The following PIEZO2 variants were observed in gnomAD, a reference collection of about 807,000 sequenced individuals.
PIEZO2 encodes the protein piezo type mechanosensitive ion channel component 2, also known as piezo-type mechanosensitive ion channel component 2.
In PIEZO2, 172 loss-of-function variants were observed where a neutral mutation model predicts 337.3. That is an observed-to-expected ratio of 0.51 (90% CI 0.45 to 0.58). The LOEUF is 0.58. PIEZO2 is among the 20% of genes least tolerant of loss of function. The pLI, the probability that PIEZO2 is intolerant of heterozygous loss-of-function variation, is 0.00. For synonymous variants in PIEZO2, 1,251 were observed against 1,228.5 expected (o/e 1.02, Z -0.38); for missense variants, 3,028 against 3,391.3 (o/e 0.89, Z 2.66).
Position 11,001,833 on chromosome 18 carries a change from G to A in PIEZO2, c.161-22173C>T, listed in dbSNP as rs1186332026. Among the ~76,000 whole-genome samples, 1 of 151,664 alleles carries A rather than the reference G, an allele frequency of 6.6e-6. No homozygotes were observed. Among genetic ancestry groups the A allele is most frequent in the African/African-American group, 2.4e-5 (1 of 41,224 alleles). On this transcript the variant is annotated intron_variant, in intron 2 of 55. Coordinates refer to ENST00000674853, the MANE Select transcript of PIEZO2 (RefSeq NM_001378183.1). The surrounding 1 kb of genome is among the most constrained non-coding windows in gnomAD (Gnocchi z 5.3). ...GCAGAGGTTGCAGTGAGCTCAGATT[G>A]CACCACTGTACTCCAGCCTGGGTGA...
At position 10,888,669 on chromosome 18, in the gene PIEZO2, T is replaced by C. The variant is rs1329360335; in HGVS notation, c.330-17254A>G. Reference sequence around the variant, plus strand: ...GTACTTTCAACTTGAGTTTAACTGCTCAGGATTCTTTCTAGCCTCTGCTTT... The same window carrying C: ...GTACTTTCAACTTGAGTTTAACTGCCCAGGATTCTTTCTAGCCTCTGCTTT... On this transcript the variant is annotated intron_variant, in intron 4 of 55. Transcript: ENST00000674853. The surrounding 1 kb of genome is among the most constrained non-coding windows in gnomAD (Gnocchi z 4.1). 6.6e-6 allele frequency among the ~76,000 whole-genome samples: 1 copy of C among 152,186 alleles called. No individual in the cohort carries two copies. The highest frequency in any genetic ancestry group is 1.5e-5 in the Non-Finnish European group (1 of 68,020).
rs972431741 is a variant in PIEZO2 at position 10,862,718 on chromosome 18, G to T, written c.493-5507C>A. Among the ~76,000 whole-genome samples the T allele has an allele frequency of 7.2e-5, 11 of 152,230 alleles. No individual in the cohort carries two copies. The highest frequency in any genetic ancestry group is 1.2e-4 in the Non-Finnish European group (8 of 68,050). ...TTACTAAATCAGAAATTATGGGAAT[G>T]AATTCCAGGAAGCTGTATGATTAAA... On this transcript the variant is annotated intron_variant, in intron 5 of 55. Coordinates refer to ENST00000674853, the MANE Select transcript of PIEZO2 (RefSeq NM_001378183.1). The surrounding 1 kb of genome is among the most constrained non-coding windows in gnomAD (Gnocchi z 4.4).
rs2039271394 is a variant in PIEZO2 at position 11,096,676 on chromosome 18, CTT to C, written c.65-30456_65-30455del. On this transcript the variant is annotated intron_variant, in intron 1 of 55. Coordinates refer to ENST00000674853, the MANE Select transcript of PIEZO2 (RefSeq NM_001378183.1). The surrounding 1 kb of genome is among the most constrained non-coding windows in gnomAD (Gnocchi z 4.6). ...ACCCAACACACACACGTATCTACCT[CTT>C]GTCTTTCAAGGAGATATATCTAAAA... Among the ~76,000 whole-genome samples the C allele has an allele frequency of 6.6e-6, 1 of 152,190 alleles. No homozygotes were observed. The highest frequency in any genetic ancestry group is 2.4e-5 in the African/African-American group (1 of 41,442).
chr18:10,887,945 T>C (rs1359588461), intron 4 of PIEZO2, among the ~76,000 whole-genome samples: 1 of 152,182 alleles, frequency 6.6e-6, no homozygotes. Flanking sequence ...ACCAGCTTTG[T>C]CTGCTGGGTC....
chr18:11,012,842 C>T (rs1032951532), intron 2 of PIEZO2, among the ~76,000 whole-genome samples: 9 of 152,060 alleles, frequency 5.9e-5, no homozygotes, highest in South Asian at 2.1e-4. Flanking sequence ...CCCAGGAGTT[C>T]GAGGCCAGCC....
At position 11,104,532 on chromosome 18, in the gene PIEZO2, G is replaced by A. The variant is rs143891735; in HGVS notation, c.65-38310C>T. 1.3e-4 allele frequency among the ~76,000 whole-genome samples: 20 copies of A among 152,306 alleles called. No individual in the cohort carries two copies. Among genetic ancestry groups the A allele is most frequent in the East Asian group, 1.9e-4 (1 of 5,174 alleles). On this transcript the variant is annotated intron_variant, in intron 1 of 55. Coordinates refer to ENST00000674853, the MANE Select transcript of PIEZO2 (RefSeq NM_001378183.1). This position sits in a 1 kb window ranked among gnomAD's most constrained non-coding sequence, Gnocchi z 4.6. ...CCTGGGCAGGAGAGAAAGCTGGCCTGGAGCCATCTGAAGTCTGAAGTCCTG... is the reference window on the plus strand; with the variant it reads ...CCTGGGCAGGAGAGAAAGCTGGCCTAGAGCCATCTGAAGTCTGAAGTCCTG...
chr18:11,114,403 C>T (rs1294273561), intron 1 of PIEZO2, among the ~76,000 whole-genome samples: 5 of 152,292 alleles, frequency 3.3e-5, no homozygotes, highest in South Asian at 2.1e-4. Context: ...TGGTGGCTCA[C>T]GCCTGTAATC....
chr18:11,122,244 C>T (rs1401624332), intron 1 of PIEZO2, among the ~76,000 whole-genome samples: 1 of 152,162 alleles, frequency 6.6e-6, no homozygotes, highest in Non-Finnish European at 1.5e-5. Context: ...CGTGAGCCAC[C>T]GCACCCAGCA....
rs1045435852 is a variant in PIEZO2 at position 11,145,671 on chromosome 18, T to G, written c.64+2854A>C. Among the ~76,000 whole-genome samples the G allele has an allele frequency of 3.3e-5, 5 of 152,258 alleles. No homozygotes were observed. In the South Asian group the frequency reaches 6.2e-4, roughly 19 times the overall value. On this transcript the variant is annotated intron_variant, in intron 1 of 55. Transcript: ENST00000674853. Reference sequence around the variant, plus strand: ...CTTGGGAGTAGGCAGACCAGAACCCTCCAATAACCTTGGAAATCTCCACTT... The same window carrying G: ...CTTGGGAGTAGGCAGACCAGAACCCGCCAATAACCTTGGAAATCTCCACTT...
Position 10,680,328 on chromosome 18 carries a change from G to A in PIEZO2, c.7823C>T (p.Thr2608Ile). ...FLENYEKEDI[T>I]VAELEGNSNS... ...TGAGTTTCCTTCCAGTTCTGCTACT[G>A]TTATGTCTTCTTTTTCATAATTTTC... The change falls in exon 52 of 56, where the codon ACA (threonine) becomes ATA (isoleucine). Residue 2608 changes from threonine (T) to isoleucine (I), a missense_variant. By Grantham distance (89) the Thr-to-Ile change is moderately conservative. Around this residue, in one of 5 missense-constraint regions of PIEZO2, gnomAD observed 332 missense variants for 363.8 expected, o/e 0.91. Coordinates refer to ENST00000674853, the MANE Select transcript of PIEZO2 (RefSeq NM_001378183.1). 6.2e-7 allele frequency: 1 copy of A among 1,614,018 alleles called. No individual in the cohort carries two copies. The highest frequency in any genetic ancestry group is 1.1e-5 in the South Asian group (1 of 91,066).
In PIEZO2 at chr18:10,775,241, T is replaced by C. The variant is rs2038743136; in HGVS notation, c.2535-1203A>G. 1.3e-5 allele frequency among the ~76,000 whole-genome samples: 2 copies of C among 152,192 alleles called. No individual in the cohort carries two copies. Among genetic ancestry groups the C allele is most frequent in the Admixed American group, 1.3e-4 (2 of 15,284 alleles). On this transcript the variant is annotated intron_variant, in intron 18 of 55. Transcript: ENST00000674853. This position sits in a 1 kb window ranked among gnomAD's most constrained non-coding sequence, Gnocchi z 4.3. ...TTCATCCTCTCGACTTTGGAGAAGT[T>C]AGCTACTCTTAAAATTGCAACCCAT...
At chr18:10,842,301 C>G (rs1432368221) in intron 7 of PIEZO2, among the ~76,000 whole-genome samples, 1 of 151,952 alleles carries the variant, frequency 6.6e-6, no homozygotes, top group East Asian at 1.9e-4. Context: ...ATGTTTGTCC[C>G]CTCCAAATCT....
At chr18:10,857,473 T>C (rs1381422760) in intron 5 of PIEZO2, among the ~76,000 whole-genome samples, 1 of 152,210 alleles carries the variant, frequency 6.6e-6, no homozygotes, top group African/African-American at 2.4e-5. Flanking sequence ...TGCTTTTTTT[T>C]TTTAATAAGC....
chr18:10,848,963 A>G (rs929050644), intron 7 of PIEZO2, among the ~76,000 whole-genome samples: 3 of 152,184 alleles, frequency 2.0e-5, no homozygotes, highest in Non-Finnish European at 4.4e-5. Flanking sequence ...CAAACCAACA[A>G]AAAGCCCTCT....
chr18:11,005,372 T>C (rs943495859), intron 2 of PIEZO2, among the ~76,000 whole-genome samples: 1 of 152,234 alleles, frequency 6.6e-6, no homozygotes, highest in South Asian at 2.1e-4. Context: ...TTGTCTTTTA[T>C]TTTTTTCCTT....
chr18:10,785,636 G>A (rs1004803045), intron 16 of PIEZO2, among the ~76,000 whole-genome samples: 3 of 152,028 alleles, frequency 2.0e-5, no homozygotes, highest in Non-Finnish European at 2.9e-5. Context: ...GAAGTCAGAC[G>A]CCTCCTGTGT....
chr18:10,983,252 C>T (rs2034737854), intron 2 of PIEZO2, among the ~76,000 whole-genome samples: 1 of 152,102 alleles, frequency 6.6e-6, no homozygotes, highest in South Asian at 2.1e-4. Context: ...TTGGCAAGCA[C>T]CCATGGACAT....
chr18:10,696,436 T>C lies in PIEZO2; in HGVS notation c.6931A>G (p.Thr2311Ala). 1.2e-6 allele frequency: 2 copies of C among 1,614,214 alleles called. No individual in the cohort carries two copies. Among genetic ancestry groups the C allele is most frequent in the East Asian group, 4.5e-5 (2 of 44,880 alleles). ...AAGACAATGATGATGAAGTCCACAG[T>C]GTCAGCCAGGAACATGAGTACATAC... The part of the protein sequence containing the change: ...DVYVLMFLAD[T>A]VDFIIIVFGF... The change falls in exon 46 of 56, where the codon ACT (threonine) becomes GCT (alanine). Residue 2311 changes from threonine to alanine, a missense_variant. By Grantham distance (58) the Thr-to-Ala change is moderately conservative. Transcript: ENST00000674853.
chr18:10,845,949 T>C (rs2041344949), intron 7 of PIEZO2, among the ~76,000 whole-genome samples: 1 of 152,182 alleles, frequency 6.6e-6, no homozygotes, highest in African/African-American at 2.4e-5. Context: ...CCTCACTTAG[T>C]TCCTAAGCAG....
Sources: gnomAD v4.1 joint callset for allele counts (sites outside exome capture counted in the v4.1 genomes callset) on GRCh38, gnomAD v4.1.1 for gene constraint, gnomAD v4.1.1 regional missense constraint, Gnocchi (gnomAD v3.1) non-coding constraint, MANE v1.5 for transcripts, NCBI Gene and HGNC (gene_info 2026-07-23, HGNC 2026-07-21) for gene names.